Variants in NKAIN3 observed in about 807,000 individuals in gnomAD.
NKAIN3 encodes sodium/potassium transporting ATPase interacting 3.
NKAIN3 carries 25 observed loss-of-function variants against 30.2 expected under a neutral mutation model. The ratio of observed to expected loss-of-function variants is 0.83; its 90% CI spans 0.60 to 1.16. The LOEUF (loss-of-function observed/expected upper bound fraction) is 1.16. Ranked by LOEUF, NKAIN3 falls within the 50% of genes most tolerant of loss-of-function variation. NKAIN3 has a pLI of 0.00. For missense variants in NKAIN3, 225 were observed against 254.1 expected (o/e 0.89, Z 0.78); for synonymous variants, 91 against 89.6 (o/e 1.02, Z -0.09).
intron 1 of NKAIN3, among the ~76,000 whole-genome samples, chr8:62,406,516 A>G (rs1048662855): frequency 3.3e-5 from 5 of 152,228 alleles, no homozygotes; most frequent in African/African-American, 9.6e-5. Context: ...TTTTAAAACA[A>G]TATACATTTA....
intron 4 of NKAIN3, among the ~76,000 whole-genome samples, chr8:62,763,625 A>C (rs1816743887): frequency 1.3e-5 from 2 of 152,240 alleles, no homozygotes. Context: ...CAAAGCTTTT[A>C]ATTAATGAGC....
chr8:62,686,661 TTTTCA>T (rs1428551444), intron 3 of NKAIN3, among the ~76,000 whole-genome samples: 1 of 152,174 alleles, frequency 6.6e-6, no homozygotes, highest in Non-Finnish European at 1.5e-5. Flanking sequence ...AATCCCACTT[TTTTCA>T]TTTCGAGTCC....
At chr8:62,862,666 G>A (rs1351976608) in intron 4 of NKAIN3, among the ~76,000 whole-genome samples, 1 of 152,038 alleles carries the variant, frequency 6.6e-6, no homozygotes, top group Non-Finnish European at 1.5e-5. Context: ...AAATTGCTTT[G>A]GAATTGAAGA....
chr8:62,655,726 C>T (rs775926584), intron 3 of NKAIN3, among the ~76,000 whole-genome samples: 28 of 151,962 alleles, frequency 1.8e-4, no homozygotes, highest in African/African-American at 5.1e-4. Context: ...ATCCAGTGGG[C>T]GAAGTTTTGC....
At chr8:62,468,605 C>T (rs1026883377) in intron 1 of NKAIN3, among the ~76,000 whole-genome samples, 16 of 152,192 alleles carry the variant, frequency 1.1e-4, no homozygotes, top group Non-Finnish European at 2.4e-4. Context: ...TGTTGTTCTA[C>T]AATTTCTCAC....
intron 4 of NKAIN3, among the ~76,000 whole-genome samples, chr8:62,771,393 T>C (rs1013591030): frequency 6.6e-6 from 1 of 152,050 alleles, no homozygotes; most frequent in Non-Finnish European, 1.5e-5. Context: ...TAAATTGAAA[T>C]GAAAAGTTCA....
chr8:62,831,468 T>A (rs1380794227), intron 4 of NKAIN3, among the ~76,000 whole-genome samples: 11 of 152,038 alleles, frequency 7.2e-5, no homozygotes, highest in Admixed American at 7.2e-4. Context: ...AAGTTTGAAA[T>A]CAAAACAAAG....
At chr8:62,698,872 A>G (rs560705048) in intron 3 of NKAIN3, among the ~76,000 whole-genome samples, 1 of 152,320 alleles carries the variant, frequency 6.6e-6, no homozygotes, top group South Asian at 2.1e-4. Context: ...CTTGTGATTG[A>G]CATCAATGCA....
At chr8:62,803,453 C>A (rs1452984539) in intron 4 of NKAIN3, among the ~76,000 whole-genome samples, 6 of 152,040 alleles carry the variant, frequency 3.9e-5, no homozygotes, top group Admixed American at 2.6e-4. Context: ...ACTCAGGATT[C>A]AGAAACTCAC....
intron 1 of NKAIN3, among the ~76,000 whole-genome samples, chr8:62,269,335 CTCTT>C (rs1476631725): frequency 6.6e-6 from 1 of 152,168 alleles, no homozygotes; most frequent in African/African-American, 2.4e-5. Context: ...TGCAACACAG[CTCTT>C]TGATAAGCTG....
At position 62,974,812 on chromosome 8, in the gene NKAIN3, CTTA is replaced by C. The variant is rs1264536407; in HGVS notation, c.*9411_*9413del. On this transcript the variant is annotated 3_prime_UTR_variant, in exon 7 of 7. Transcript: ENST00000623646. ...TGGCTGTGGGTTTGTCATAACAGCT[CTTA>C]TTATTTTGAGATATGTTCCATCAAT... 6.6e-6 allele frequency among the ~76,000 whole-genome samples: 1 copy of C among 152,030 alleles called. No homozygotes were observed. Among genetic ancestry groups the C allele is most frequent in the East Asian group, 1.9e-4 (1 of 5,192 alleles).
intron 3 of NKAIN3, among the ~76,000 whole-genome samples, chr8:62,618,508 G>A (rs756857383): frequency 2.0e-5 from 3 of 151,938 alleles, no homozygotes; most frequent in Non-Finnish European, 2.9e-5. Flanking sequence ...TCGCTCGCTC[G>A]TGGTGGACAA....
chr8:62,317,302 A>T (rs927303472), intron 1 of NKAIN3, among the ~76,000 whole-genome samples: 1 of 151,818 alleles, frequency 6.6e-6, no homozygotes, highest in African/African-American at 2.4e-5. Context: ...GTCAATTTTG[A>T]CTTTTGTTGC....
At chr8:62,802,992 C>A (rs1382631382) in intron 4 of NKAIN3, among the ~76,000 whole-genome samples, 1 of 152,044 alleles carries the variant, frequency 6.6e-6, no homozygotes, top group Non-Finnish European at 1.5e-5. Context: ...AGACTTTAAA[C>A]CAACAAGATC....
At position 62,969,672 on chromosome 8, in the gene NKAIN3, T is replaced by A. The variant is rs1585633216; in HGVS notation, c.*4265T>A. Among the ~76,000 whole-genome samples, 2 of 152,148 alleles carry A rather than the reference T, an allele frequency of 1.3e-5. No homozygotes were observed. The highest frequency in any genetic ancestry group is 4.8e-5 in the African/African-American group (2 of 41,436). On this transcript the variant is annotated 3_prime_UTR_variant, in exon 7 of 7. Transcript: ENST00000623646. ...GTATAGCTGAATTAAGTAGGAAAAA[T>A]ATAAATAATTGCTCTTTTAAAACTA... is the stretch of plus-strand genomic sequence containing the variant.
chr8:62,262,970 A>T (rs1375307047), intron 1 of NKAIN3, among the ~76,000 whole-genome samples: 2 of 152,184 alleles, frequency 1.3e-5, no homozygotes, highest in Non-Finnish European at 2.9e-5. Context: ...TCAACACAAC[A>T]CAAAGTGAAG....
At chr8:62,666,443 AC>A in intron 3 of NKAIN3, among the ~76,000 whole-genome samples, 1 of 152,192 alleles carries the variant, frequency 6.6e-6, no homozygotes, top group Non-Finnish European at 1.5e-5. Context: ...AGTCTACGTA[AC>A]CAAAAAAAGT....
intron 1 of NKAIN3, among the ~76,000 whole-genome samples, chr8:62,376,105 G>C (rs577141865): frequency 8.5e-5 from 13 of 152,298 alleles, no homozygotes; most frequent in African/African-American, 3.1e-4. Flanking sequence ...TTAGGAGTGA[G>C]GAGCACTACG....
chr8:62,596,348 C>T (rs1810834490), intron 3 of NKAIN3, among the ~76,000 whole-genome samples: 1 of 151,994 alleles, frequency 6.6e-6, no homozygotes, highest in Non-Finnish European at 1.5e-5. Flanking sequence ...CTTTTGGCTT[C>T]AATATCCACT....
Sources: gnomAD v4.1 joint callset for allele counts (sites outside exome capture counted in the v4.1 genomes callset) on GRCh38, gnomAD v4.1.1 for gene constraint, MANE v1.5 for transcripts, NCBI Gene and HGNC (gene_info 2026-07-23, HGNC 2026-07-21) for gene names.